Variants in CAST observed in about 807,000 individuals in gnomAD.
CAST encodes the protein calpastatin.
CAST carries 76 observed loss-of-function variants against 119.6 expected under a neutral mutation model. That is an observed-to-expected ratio of 0.64 (90% confidence interval 0.53 to 0.77). The LOEUF (loss-of-function observed/expected upper bound fraction) is 0.77. Ranked by LOEUF, CAST falls within the 30% of genes least tolerant of loss-of-function variation. The pLI, the probability that CAST is intolerant of heterozygous loss-of-function variation, is 0.00. For synonymous variants in CAST, 319 were observed against 331.6 expected, an observed-to-expected ratio of 0.96 and a Z score of 0.41; for missense variants, 953 against 946.5, an observed-to-expected ratio of 1.01 and a Z score of -0.09.
At chr5:96,453,618 C>T in the CAST span, among the ~76,000 whole-genome samples, 2 of 152,204 alleles carry the variant, frequency 1.3e-5, no homozygotes, top group Non-Finnish European at 2.9e-5. Flanking sequence ...GACCTATTGA[C>T]TGTGACTGCT....
chr5:96,447,882 C>T, the CAST span, among the ~76,000 whole-genome samples: 17 of 152,006 alleles, frequency 1.1e-4, no homozygotes, highest in East Asian at 1.9e-4. Flanking sequence ...ACCCCATGTC[C>T]GCTCTGATCT....
At chr5:96,068,287 A>G in the CAST span, among the ~76,000 whole-genome samples, 2 of 152,008 alleles carry the variant, frequency 1.3e-5, no homozygotes, top group Admixed American at 6.6e-5. Context: ...CTGGCCTTAT[A>G]TATTATCTCT....
intron 31 of CAST, 40 bp from the exon 32 acceptor site, chr5:96,772,600 A>G (rs189071732): frequency 3.8e-4 from 58 of 152,882 alleles, no homozygotes; most frequent in African/African-American, 1.3e-3. Flanking sequence ...AAAATTACAT[A>G]TTAAATGATT....
At chr5:96,261,516 T>A in the CAST span, among the ~76,000 whole-genome samples, 1 of 152,314 alleles carries the variant, frequency 6.6e-6, no homozygotes. Context: ...AACATCAAGA[T>A]TGTTTGACCC....
rs182769783 is a variant in CAST at position 96,765,069 on chromosome 5, C to T, written c.1933-152C>T. ...GATCTTCCATTCCTAGGCTTCTCTT[C>T]TCTGACCCTGTCTACTCCCCTGCCC... On this transcript the variant is annotated intron_variant, in intron 25 of 31. Coordinates refer to ENST00000675179, the MANE Select transcript of CAST (RefSeq NM_001750.7). The T allele has an allele frequency of 1.4e-4, 87 of 619,374 alleles. 1 individual carries two copies. The African/African-American group carries it at 1.4e-3, about 10-fold the overall frequency. 38.4% of individuals were successfully genotyped at this position (619,374 alleles called of 1,614,324 possible). A position where few individuals can be genotyped will look rare whatever the true frequency, so the allele number is the denominator to read the frequency against.
chr5:96,768,653 T>C (rs894104466), intron 29 of CAST, among the ~76,000 whole-genome samples: 3 of 152,226 alleles, frequency 2.0e-5, no homozygotes, highest in African/African-American at 4.8e-5. Context: ...TAATGCTATG[T>C]CTGTGTTCAT....
chr5:96,634,831 AAACAACAAC>A (rs1281305715), intron 1 of CAST, among the ~76,000 whole-genome samples: 2 of 152,214 alleles, frequency 1.3e-5, no homozygotes, highest in Admixed American at 1.3e-4. Flanking sequence ...TTGTGACTAA[AAACAACAAC>A]AACAACAAAA....
chr5:96,517,005 C>T, the CAST span, among the ~76,000 whole-genome samples: 633 of 152,260 alleles, frequency 4.2e-3, 5 homozygotes, highest in African/African-American at 0.015. Context: ...CTCGATTTCC[C>T]CAGCTCTCTC....
At chr5:96,451,664 G>A in the CAST span, among the ~76,000 whole-genome samples, 1 of 152,194 alleles carries the variant, frequency 6.6e-6, no homozygotes, top group African/African-American at 2.4e-5. Context: ...CAACTAAAGA[G>A]CTTCTGCACA....
rs59338324 is a variant in CAST, at chr5:96,765,327, TAAAAAAA to T, written c.2037+22_2037+28del. 1,983 of 510,242 alleles carry T rather than the reference TAAAAAAA, an allele frequency of 3.9e-3. 1 individual carries two copies. The highest frequency in any genetic ancestry group is 6.1e-3 in the Admixed American group (137 of 22,640). 31.6% of individuals were successfully genotyped at this position (510,242 alleles called of 1,614,324 possible). A position where few individuals can be genotyped will look rare whatever the true frequency, so the allele number is the denominator to read the frequency against. On this transcript the variant is annotated splice_donor_5th_base_variant and intron_variant, in intron 26 of 31. Transcript: ENST00000675179. ...AAACCAATGGAAGATAAAGTAAAGGTAAAAAAAAAAAAAAAAAAAAAAAAAATTCACT... is the reference window on the plus strand; with the variant it reads ...AAACCAATGGAAGATAAAGTAAAGGTAAAAAAAAAAAAAAAAAAATTCACT...
intron 1 of CAST, among the ~76,000 whole-genome samples, chr5:96,623,947 C>T (rs1283236708): frequency 6.6e-6 from 1 of 152,160 alleles, no homozygotes; most frequent in African/African-American, 2.4e-5. Flanking sequence ...GATCCTCCCA[C>T]CTCACCTTCC....
the CAST span, among the ~76,000 whole-genome samples, chr5:96,272,349 GATCAA>G: frequency 6.6e-6 from 1 of 152,210 alleles, no homozygotes; most frequent in South Asian, 2.1e-4. Context: ...ATAGCCAAAA[GATCAA>G]ATCAAGGGAA....
chr5:96,352,921 C>T, the CAST span, among the ~76,000 whole-genome samples: 1 of 152,100 alleles, frequency 6.6e-6, no homozygotes, highest in African/African-American at 2.4e-5. Context: ...CGCCTTCTGC[C>T]ATGATTGTAA....
chr5:95,972,689 CAA>C, the CAST span, among the ~76,000 whole-genome samples: 1 of 152,214 alleles, frequency 6.6e-6, no homozygotes, highest in East Asian at 1.9e-4. Flanking sequence ...TTTTGCAGAG[CAA>C]AAAAAGTTTT....
intron 31 of CAST, chr5:96,772,387 T>G (rs1772744820): frequency 6.6e-6 from 1 of 152,598 alleles, no homozygotes; most frequent in Non-Finnish European, 1.5e-5. Flanking sequence ...AAAGTATAGG[T>G]TAAATCGGGT....
chr5:96,053,333 A>G, the CAST span, among the ~76,000 whole-genome samples: 1,215 of 152,282 alleles, frequency 8.0e-3, 19 homozygotes, highest in African/African-American at 0.028. Context: ...GTTTAATTCA[A>G]TGACCTCTAG....
At chr5:96,180,005 A>G in the CAST span, among the ~76,000 whole-genome samples, 4,612 of 151,812 alleles carry the variant, frequency 0.03, 235 homozygotes, top group African/African-American at 0.11. Flanking sequence ...CCTGGGAGAC[A>G]GAGCGAGACT....
Position 96,616,154 on chromosome 5 carries a change from G to C in CAST, c.61-59385G>C, listed in dbSNP as rs139529374. The stretch of plus-strand genomic sequence containing the variant: ...CTGACTCAAACGTTAATCTTCTTTG[G>C]CAACACCCTCACAGATACACCCAGG... On this transcript the variant is annotated intron_variant, in intron 1 of 11. Transcript: ENST00000505143. 4.6e-3 allele frequency among the ~76,000 whole-genome samples: 696 copies of C among 152,250 alleles called. 5 individuals carry two copies. Among genetic ancestry groups the C allele is most frequent in the African/African-American group, 0.016 (649 of 41,536 alleles).
At chr5:95,971,265 C>T in the CAST span, among the ~76,000 whole-genome samples, 1 of 152,040 alleles carries the variant, frequency 6.6e-6, no homozygotes, top group East Asian at 1.9e-4. Context: ...TAAAATTACC[C>T]TATATTTTAC....
Sources: allele counts gnomAD v4.1 joint callset (sites outside exome capture counted in the v4.1 genomes callset), GRCh38; gene constraint gnomAD v4.1.1; transcripts MANE v1.5; gene names NCBI Gene and HGNC (gene_info 2026-07-23, HGNC 2026-07-21).